Variants in GRK4 observed in about 807,000 individuals in gnomAD.
GRK4 encodes G protein-coupled receptor kinase 2-like.
A neutral mutation model predicts 77.9 loss-of-function variants in GRK4; 73 were observed. The observed-to-expected ratio is 0.94, with a 90% CI of 0.78 to 1.14. The LOEUF (loss-of-function observed/expected upper bound fraction) is 1.14, where lower values mean the gene tolerates loss of function less well. Ranked by LOEUF, GRK4 falls within the 50% of genes most tolerant of loss-of-function variation. GRK4 has a pLI of 0.00. For missense variants in GRK4, 729 were observed against 700.2 expected (o/e 1.04, Z -0.46); for synonymous variants, 257 against 254.4 (o/e 1.01, Z -0.10).
At chr4:2,998,862 C>G (rs556550503) in intron 4 of GRK4, among the ~76,000 whole-genome samples, 2 of 151,928 alleles carry the variant, frequency 1.3e-5, no homozygotes, top group African/African-American at 4.8e-5. Flanking sequence ...AATTAACAAG[C>G]AAGCTAATCT....
chr4:3,019,161 T>G (rs76384668), intron 8 of GRK4, among the ~76,000 whole-genome samples: 1 of 152,134 alleles, frequency 6.6e-6, no homozygotes, highest in Non-Finnish European at 1.5e-5. Context: ...TTTGCATATA[T>G]AGAGAAATGC....
rs1183572993 is a variant in GRK4, at chr4:3,001,396, C to T, written c.340-2835C>T. ...TTTTTTTTTTTTTGAGATGGAGTTT[C>T]GCTCTTGTAGCCCAGGCTGGAGTGG... On this transcript the variant is annotated intron_variant, in intron 4 of 15. Transcript: ENST00000398052. Among the ~76,000 whole-genome samples the T allele has an allele frequency of 1.1e-4, 15 of 142,432 alleles. 1 individual carries two copies. Among genetic ancestry groups the T allele is most frequent in the Non-Finnish European group, 2.1e-4 (14 of 66,346 alleles). 93.4% of individuals were successfully genotyped at this position (142,432 alleles called of 152,430 possible). A position where few individuals can be genotyped will look rare whatever the true frequency, so the allele number is the denominator to read the frequency against.
chr4:3,032,402 G>A (rs1739423904), intron 12 of GRK4, among the ~76,000 whole-genome samples: 2 of 152,020 alleles, frequency 1.3e-5, no homozygotes, highest in Admixed American at 6.6e-5. Context: ...CCAGCCTGGC[G>A]ACAGAGCATG....
intron 7 of GRK4, among the ~76,000 whole-genome samples, chr4:3,013,363 T>C (rs1165084569): frequency 6.6e-6 from 1 of 151,568 alleles, no homozygotes; most frequent in Non-Finnish European, 1.5e-5. Context: ...AAAAAGAATC[T>C]TTTCAGTTTT....
intron 4 of GRK4, among the ~76,000 whole-genome samples, chr4:2,993,669 T>C (rs1578115523): frequency 6.6e-6 from 1 of 152,038 alleles, no homozygotes; most frequent in South Asian, 2.1e-4. Flanking sequence ...CGAGACTCTG[T>C]CTCAAAACAA....
chr4:2,983,604 C>T (rs1331109259), intron 1 of GRK4, among the ~76,000 whole-genome samples: 1 of 152,148 alleles, frequency 6.6e-6, no homozygotes, highest in African/African-American at 2.4e-5. Flanking sequence ...TTCTCTGATC[C>T]TACCTTAGTC....
chr4:3,035,080 C>T (rs1197681233), intron 12 of GRK4, among the ~76,000 whole-genome samples: 1 of 151,804 alleles, frequency 6.6e-6, no homozygotes, highest in African/African-American at 2.4e-5. Flanking sequence ...CCCGTCTCCA[C>T]TAAAAATACA....
chr4:3,001,292 CATAT>C (rs890994666), intron 4 of GRK4, among the ~76,000 whole-genome samples: 2 of 136,208 alleles, frequency 1.5e-5, no homozygotes, highest in African/African-American at 5.5e-5. Flanking sequence ...TATACACATA[CATAT>C]ATATGTATAT....
intron 1 of GRK4, among the ~76,000 whole-genome samples, chr4:2,975,047 G>A (rs569883146): frequency 6.7e-4 from 102 of 152,318 alleles, no homozygotes; most frequent in Middle Eastern, 3.4e-3. Flanking sequence ...GCTCTCGCCT[G>A]TAATCCCAGC....
At chr4:3,009,563 G>A (rs1732292653) in intron 6 of GRK4, 85 bp from the exon 7 acceptor site, 3 of 985,798 alleles carry the variant, frequency 3.0e-6, no homozygotes, top group Non-Finnish European at 3.2e-6. Context: ...CAATAAATGA[G>A]GCGAAGACAA....
intron 11 of GRK4, among the ~76,000 whole-genome samples, 177 bp downstream of exon 11, chr4:3,028,178 A>G (rs546634562): frequency 6.6e-6 from 1 of 152,298 alleles, no homozygotes; most frequent in South Asian, 2.1e-4. Flanking sequence ...GGGATCCTGT[A>G]GGCTGCCCTC....
intron 4 of GRK4, among the ~76,000 whole-genome samples, chr4:2,992,911 G>C (rs1393274111): frequency 1.3e-5 from 2 of 152,176 alleles, no homozygotes; most frequent in Non-Finnish European, 2.9e-5. Context: ...TTGAGCCCAG[G>C]AGGTCAAGGC....
chr4:2,977,312 G>C (rs907688520), intron 1 of GRK4, among the ~76,000 whole-genome samples: 4 of 152,152 alleles, frequency 2.6e-5, no homozygotes, highest in African/African-American at 7.2e-5. Flanking sequence ...CCAAGCACTT[G>C]GTCTGTGTGT....
chr4:2,988,909 G>A, intron 3 of GRK4, 70 bp downstream of exon 3: 2 of 969,410 alleles, frequency 2.1e-6, no homozygotes, highest in Non-Finnish European at 3.3e-6. Context: ...AACTTGGCCA[G>A]GCGCAGTAGC....
At chr4:3,029,128 T>C in intron 11 of GRK4, 73 bp from the exon 12 acceptor site, 1 of 1,159,958 alleles carries the variant, frequency 8.6e-7, no homozygotes, top group South Asian at 1.4e-5. Flanking sequence ...ATGTATACTG[T>C]GTTACTGGGA....
intron 12 of GRK4, among the ~76,000 whole-genome samples, chr4:3,035,054 G>C (rs1740208036): frequency 6.6e-6 from 1 of 151,974 alleles, no homozygotes; most frequent in African/African-American, 2.4e-5. Context: ...TCAGGAGATG[G>C]AGACCACGGT....
intron 3 of GRK4, among the ~76,000 whole-genome samples, chr4:2,989,755 C>T (rs376417761): frequency 7.2e-5 from 11 of 152,344 alleles, no homozygotes; most frequent in East Asian, 3.9e-4. Flanking sequence ...ATTTACTATG[C>T]TCAAGAAAGT....
chr4:2,972,597 G>A (rs886892547), intron 1 of GRK4, among the ~76,000 whole-genome samples: 9 of 151,984 alleles, frequency 5.9e-5, no homozygotes, highest in Non-Finnish European at 8.8e-5. Flanking sequence ...CCAAGCCAGG[G>A]GACCTTTTGT....
At chr4:3,035,043 G>A (rs1253665911) in intron 12 of GRK4, among the ~76,000 whole-genome samples, 2 of 151,958 alleles carry the variant, frequency 1.3e-5, no homozygotes, top group Non-Finnish European at 2.9e-5. Context: ...GGATCACGAG[G>A]TCAGGAGATG....
Sources: gnomAD v4.1 joint callset for allele counts (sites outside exome capture counted in the v4.1 genomes callset) on GRCh38, gnomAD v4.1.1 for gene constraint, MANE v1.5 for transcripts, NCBI Gene and HGNC (gene_info 2026-07-23, HGNC 2026-07-21) for gene names.